Variants in MYO16 observed in about 807,000 individuals in gnomAD.
MYO16 encodes unconventional myosin-XVI.
Under a neutral mutation model 205.3 loss-of-function variants are expected in MYO16, and 94 were observed. The observed-to-expected ratio is 0.46, with a 90% CI of 0.39 to 0.54. The LOEUF is 0.54. MYO16 is among the 20% of genes least tolerant of loss of function. MYO16 has a pLI of 0.00. For missense variants in MYO16, 2,315 were observed against 2,387.5 expected, an observed-to-expected ratio of 0.97 and a Z score of 0.63; for synonymous variants, 988 against 954.0, an observed-to-expected ratio of 1.04 and a Z score of -0.66.
intron 1 of MYO16, among the ~76,000 whole-genome samples, chr13:108,610,400 T>G (rs1184160666): frequency 6.6e-6 from 1 of 152,196 alleles, no homozygotes. Flanking sequence ...TTTCTTGTAC[T>G]GTACTTCAAA....
chr13:108,738,451 G>A (rs1166571260), intron 4 of MYO16, among the ~76,000 whole-genome samples: 3 of 152,174 alleles, frequency 2.0e-5, no homozygotes, highest in East Asian at 3.9e-4. Context: ...GCGGTTTTGA[G>A]TGAGTTTCTC....
intron 4 of MYO16, among the ~76,000 whole-genome samples, chr13:108,778,479 C>T (rs970806766): frequency 1.1e-4 from 17 of 152,090 alleles, no homozygotes; most frequent in Non-Finnish European, 2.1e-4. Flanking sequence ...ATTAGCTGGG[C>T]GTAGTGGTAC....
At chr13:108,569,805 T>A in the MYO16 span, among the ~76,000 whole-genome samples, 1 of 152,158 alleles carries the variant, frequency 6.6e-6, no homozygotes, top group African/African-American at 2.4e-5. Flanking sequence ...TTTATTGGGT[T>A]GAGAAAATTC....
intron 25 of MYO16, 89 bp from the exon 26 acceptor site, chr13:109,054,957 T>C: frequency 1.5e-6 from 1 of 669,080 alleles, no homozygotes; most frequent in Non-Finnish European, 2.5e-6. Flanking sequence ...CTCCCTTCCC[T>C]TCCCCTTCCT....
chr13:108,595,699 C>G (rs770826211), upstream of MYO16, among the ~76,000 whole-genome samples: 2 of 152,032 alleles, frequency 1.3e-5, no homozygotes, highest in Non-Finnish European at 2.9e-5. Context: ...CAATAAATAA[C>G]GCTGCTGATC....
intron 32 of MYO16, among the ~76,000 whole-genome samples, chr13:109,147,503 T>C (rs1877400079): frequency 6.6e-6 from 1 of 152,222 alleles, no homozygotes; most frequent in East Asian, 1.9e-4. Flanking sequence ...GACTGAAGTA[T>C]GAGACATTAG....
intron 9 of MYO16, among the ~76,000 whole-genome samples, chr13:108,835,895 G>A (rs1566359729): frequency 6.6e-6 from 1 of 152,120 alleles, no homozygotes. Flanking sequence ...ATAAAAGTTT[G>A]GAAAATTTGC....
chr13:108,588,364 A>G, the MYO16 span, among the ~76,000 whole-genome samples: 1 of 152,192 alleles, frequency 6.6e-6, no homozygotes, highest in African/African-American at 2.4e-5. Flanking sequence ...GACCTGCATC[A>G]TTACTGGCTC....
intron 6 of MYO16, among the ~76,000 whole-genome samples, chr13:108,797,268 T>C (rs1053358252): frequency 2.0e-5 from 3 of 152,236 alleles, no homozygotes; most frequent in South Asian, 2.1e-4. Flanking sequence ...GTTGGATTTG[T>C]GGTTGGACAT....
At chr13:108,936,138 TTCCTTCC>T in intron 16 of MYO16, among the ~76,000 whole-genome samples, 1 of 150,808 alleles carries the variant, frequency 6.6e-6, no homozygotes, top group African/African-American at 2.4e-5. Flanking sequence ...CCTTCCTTCC[TTCCTTCC>T]TTCTTTCCTT....
At chr13:108,715,191 G>A (rs561063930) in intron 3 of MYO16, among the ~76,000 whole-genome samples, 551 of 152,256 alleles carry the variant, frequency 3.6e-3, no homozygotes, top group African/African-American at 0.013. Flanking sequence ...CTCCTTCAGC[G>A]CTGGCCCGTG....
intron 25 of MYO16, chr13:109,054,412 T>G (rs1380412090): frequency 4.0e-6 from 1 of 249,628 alleles, no homozygotes; most frequent in Non-Finnish European, 8.3e-6. Context: ...ATTCAACTCC[T>G]GAGTGTAGTT....
At chr13:108,534,072 G>T in the MYO16 span, among the ~76,000 whole-genome samples, 1 of 152,152 alleles carries the variant, frequency 6.6e-6, no homozygotes, top group African/African-American at 2.4e-5. Flanking sequence ...GAATTGAAAC[G>T]GTGCTTGTTC....
intron 16 of MYO16, among the ~76,000 whole-genome samples, chr13:108,913,614 A>C (rs922234413): frequency 9.2e-5 from 14 of 152,212 alleles, no homozygotes; most frequent in Non-Finnish European, 1.9e-4. Context: ...GGTCTTCTGA[A>C]TCCCTTCCTT....
intron 2 of MYO16, among the ~76,000 whole-genome samples, chr13:108,688,410 T>TA (rs1443958703): frequency 1.3e-5 from 2 of 152,190 alleles, no homozygotes; most frequent in Non-Finnish European, 2.9e-5. Flanking sequence ...AACTAGAAGT[T>TA]ACAATTCTCA....
At chr13:109,130,479 C>T (rs1263604170) in intron 31 of MYO16, among the ~76,000 whole-genome samples, 3 of 152,256 alleles carry the variant, frequency 2.0e-5, no homozygotes, top group African/African-American at 4.8e-5. Flanking sequence ...CTGGCATGTG[C>T]TCTCAATACT....
chr13:109,020,737 C>T (rs1885993654), intron 23 of MYO16, among the ~76,000 whole-genome samples: 1 of 152,172 alleles, frequency 6.6e-6, no homozygotes, highest in Admixed American at 6.6e-5. Flanking sequence ...CTACTCTTAA[C>T]TCCTTTGACC....
At chr13:108,721,256 G>A (rs12874550) in intron 3 of MYO16, among the ~76,000 whole-genome samples, 72,070 of 152,092 alleles carry the variant, frequency 0.47, 18,333 homozygotes, top group Non-Finnish European at 0.59. Context: ...TTTGAGGAAG[G>A]CCTTGCTCTC....
chr13:108,883,193 C>G lies in MYO16; in HGVS notation c.1553+7C>G. The G allele has an allele frequency of 6.2e-7, 1 of 1,610,978 alleles. No homozygotes were observed. Among genetic ancestry groups the G allele is most frequent in the Non-Finnish European group, 8.5e-7 (1 of 1,177,962 alleles). On this transcript the variant is annotated splice_region_variant and intron_variant, in intron 13 of 34. Coordinates refer to ENST00000457511, the MANE Select transcript of MYO16 (RefSeq NM_001198950.3). ...CTCAGTGTTTCATCCTCAGGTGAGT[C>G]CTCCTCAACCTTGTCTGCCAGGCTC...
Sources: gnomAD v4.1 joint callset for allele counts (sites outside exome capture counted in the v4.1 genomes callset) on GRCh38, gnomAD v4.1.1 for gene constraint, MANE v1.5 for transcripts, NCBI Gene and HGNC (gene_info 2026-07-23, HGNC 2026-07-21) for gene names.